The following ADGRL3 variants were observed in gnomAD, a reference collection of about 807,000 sequenced individuals.
ADGRL3 encodes adhesion G protein-coupled receptor L3, also known as calcium-independent alpha-latrotoxin receptor 3.
A neutral mutation model predicts 153.5 loss-of-function variants in ADGRL3; 62 were observed. The ratio of observed to expected loss-of-function variants is 0.40; its 90% CI spans 0.33 to 0.50. The LOEUF is 0.50. ADGRL3 is among the 20% of genes least tolerant of loss of function. The pLI is 0.47. For missense variants in ADGRL3, 1,641 were observed against 1,859.4 expected (o/e 0.88, Z 2.16); for synonymous variants, 710 against 672.5 (o/e 1.06, Z -0.86).
chr4:61,937,841 A>G (rs2098845695), intron 15 of ADGRL3, among the ~76,000 whole-genome samples: 2 of 152,186 alleles, frequency 1.3e-5, no homozygotes, highest in African/African-American at 4.8e-5. Context: ...GTATCTGAAG[A>G]CATGTAGAAA....
chr4:62,006,001 CACATATAT>C (rs1184538959), intron 21 of ADGRL3, among the ~76,000 whole-genome samples: 4 of 64,516 alleles, frequency 6.2e-5, no homozygotes, highest in African/African-American at 2.2e-4. Flanking sequence ...CACACACACA[CACATATAT>C]ATATATATAT....
Position 61,742,743 on chromosome 4 carries a change from C to T in ADGRL3, c.1399+9189C>T, listed in dbSNP as rs563661024. On this transcript the variant is annotated intron_variant, in intron 8 of 26. Coordinates refer to ENST00000683033, the MANE Select transcript of ADGRL3 (RefSeq NM_001387552.1). Reference sequence around the variant, plus strand: ...ATTAATGACAAAATAATTCAAGATACGTAAATGACAGGTAAAATCTACTAT... The same window carrying T: ...ATTAATGACAAAATAATTCAAGATATGTAAATGACAGGTAAAATCTACTAT... 5.3e-5 allele frequency among the ~76,000 whole-genome samples: 8 copies of T among 152,132 alleles called. No individual in the cohort carries two copies. The South Asian group carries it at 1.4e-3, about 28-fold the overall frequency.
intron 8 of ADGRL3, among the ~76,000 whole-genome samples, chr4:61,739,843 G>C (rs901291642): frequency 6.6e-6 from 1 of 152,250 alleles, no homozygotes; most frequent in South Asian, 2.1e-4. Flanking sequence ...TTTTCTTCCA[G>C]AAGAAATTAA....
At chr4:61,397,213 CCT>C (rs1378937497) in intron 2 of ADGRL3, among the ~76,000 whole-genome samples, 1 of 151,658 alleles carries the variant, frequency 6.6e-6, no homozygotes, top group Non-Finnish European at 1.5e-5. Flanking sequence ...ATTAACATTG[CCT>C]CTTTTTCCTG....
chr4:61,553,729 C>A (rs563766498), intron 4 of ADGRL3, among the ~76,000 whole-genome samples: 1 of 151,928 alleles, frequency 6.6e-6, no homozygotes, highest in South Asian at 2.1e-4. Context: ...AATGTCTTGC[C>A]CAGTGGGAGT....
At chr4:61,741,658 G>A (rs1358271663) in intron 8 of ADGRL3, among the ~76,000 whole-genome samples, 2 of 152,034 alleles carry the variant, frequency 1.3e-5, no homozygotes, top group Admixed American at 1.3e-4. Flanking sequence ...CTTCATAATT[G>A]AGGGTAAAAC....
intron 4 of ADGRL3, among the ~76,000 whole-genome samples, chr4:61,544,389 T>C (rs764046276): frequency 6.6e-6 from 1 of 152,234 alleles, no homozygotes; most frequent in African/African-American, 2.4e-5. Context: ...AAATTTATTC[T>C]TTATAGTCTT....
intron 15 of ADGRL3, 101 bp from the exon 16 acceptor site, chr4:61,946,813 T>A (rs1581582509): frequency 4.5e-6 from 4 of 880,288 alleles, no homozygotes; most frequent in Non-Finnish European, 7.3e-6. Context: ...TGCTGGATTT[T>A]TTGTGTGAAT....
intron 2 of ADGRL3, among the ~76,000 whole-genome samples, chr4:61,496,620 CA>C (rs1459874051): frequency 6.7e-6 from 1 of 149,814 alleles, no homozygotes; most frequent in South Asian, 2.1e-4. Flanking sequence ...CCAGCCTGGG[CA>C]AAAACAGCGA....
intron 8 of ADGRL3, among the ~76,000 whole-genome samples, chr4:61,754,089 T>A (rs1394666644): frequency 1.3e-5 from 2 of 152,150 alleles, no homozygotes; most frequent in Non-Finnish European, 2.9e-5. Flanking sequence ...CCAAGGCCAG[T>A]TTCGAAGGGT....
At chr4:61,969,292 T>G (rs982423853) in intron 17 of ADGRL3, among the ~76,000 whole-genome samples, 7 of 151,888 alleles carry the variant, frequency 4.6e-5, no homozygotes, top group Non-Finnish European at 8.8e-5. Flanking sequence ...TTGATTTTTT[T>G]GGGGGGTGGG....
chr4:61,825,047 A>G (rs867298846), intron 9 of ADGRL3, among the ~76,000 whole-genome samples: 1 of 152,140 alleles, frequency 6.6e-6, no homozygotes, highest in Non-Finnish European at 1.5e-5. Context: ...GGCTCTCTCA[A>G]TGCCAAGAAG....
chr4:61,626,764 TC>T (rs2092855956), intron 5 of ADGRL3, among the ~76,000 whole-genome samples: 3 of 152,074 alleles, frequency 2.0e-5, no homozygotes, highest in Non-Finnish European at 4.4e-5. Flanking sequence ...CCTCCTGAGT[TC>T]TACTATTTTA....
intron 5 of ADGRL3, among the ~76,000 whole-genome samples, chr4:61,643,127 T>C (rs891587737): frequency 3.9e-5 from 6 of 152,194 alleles, no homozygotes; most frequent in Admixed American, 3.3e-4. Flanking sequence ...GTGATTTTTG[T>C]TCATTGATTT....
chr4:61,862,395 G>T (rs1476815166), intron 9 of ADGRL3, among the ~76,000 whole-genome samples: 1 of 152,200 alleles, frequency 6.6e-6, no homozygotes, highest in Admixed American at 6.5e-5. Context: ...GCATTGGAAC[G>T]ATGTTTCAGC....
intron 8 of ADGRL3, among the ~76,000 whole-genome samples, chr4:61,770,019 C>A (rs2097063752): frequency 6.6e-6 from 1 of 152,140 alleles, no homozygotes; most frequent in Admixed American, 6.5e-5. Flanking sequence ...GGCTCAGAGG[C>A]CTGACACAAG....
intron 5 of ADGRL3, among the ~76,000 whole-genome samples, chr4:61,638,881 T>C (rs1405655752): frequency 6.6e-6 from 1 of 152,166 alleles, no homozygotes; most frequent in African/African-American, 2.4e-5. Context: ...AAAAACTCAA[T>C]TATATGTAAA....
chr4:61,727,078 T>C (rs1282648705), intron 6 of ADGRL3, among the ~76,000 whole-genome samples: 2 of 152,164 alleles, frequency 1.3e-5, no homozygotes, highest in Non-Finnish European at 2.9e-5. Context: ...AATTAAACAA[T>C]GCAATTCAAA....
intron 17 of ADGRL3, among the ~76,000 whole-genome samples, chr4:61,960,629 C>A (rs1230071667): frequency 3.9e-5 from 6 of 152,206 alleles, no homozygotes; most frequent in Non-Finnish European, 5.9e-5. Context: ...AAGGAAACTT[C>A]AGCCATGCCC....
Sources: allele counts gnomAD v4.1 joint callset (sites outside exome capture counted in the v4.1 genomes callset), GRCh38; gene constraint gnomAD v4.1.1; transcripts MANE v1.5; gene names NCBI Gene and HGNC (gene_info 2026-07-23, HGNC 2026-07-21).